EYS: variants seen among roughly 807,000 people sequenced by gnomAD.
EYS encodes the protein protein eyes shut homolog.
EYS carries 250 observed loss-of-function variants against 282.1 expected under a neutral mutation model. The ratio of observed to expected loss-of-function variants is 0.89; its 90% CI spans 0.80 to 0.98. The LOEUF (loss-of-function observed/expected upper bound fraction) is 0.98, where lower values mean the gene tolerates loss of function less well. Among genes scored for constraint, EYS ranks in the 50% least tolerant of loss-of-function variants. The pLI is 0.00. For synonymous variants in EYS, 1,355 were observed against 1,282.9 expected, an observed-to-expected ratio of 1.06 and a Z score of -1.20; for missense variants, 4,016 against 3,709.0, an observed-to-expected ratio of 1.08 and a Z score of -2.15.
chr6:64,029,489 C>A (rs184676093), intron 33 of EYS, among the ~76,000 whole-genome samples: 1 of 152,308 alleles, frequency 6.6e-6, no homozygotes, highest in Admixed American at 6.5e-5. Context: ...ACCAGGTACT[C>A]CTCCTTGAGG....
chr6:63,752,659 AT>A (rs888241908), intron 41 of EYS, among the ~76,000 whole-genome samples: 5 of 150,164 alleles, frequency 3.3e-5, no homozygotes, highest in South Asian at 2.1e-4. Flanking sequence ...TGCCTGGCTA[AT>A]TTTTTTTTGT....
At chr6:64,965,997 G>A (rs1446425608) in intron 14 of EYS, among the ~76,000 whole-genome samples, 3 of 151,184 alleles carry the variant, frequency 2.0e-5, no homozygotes, top group East Asian at 2.0e-4. Flanking sequence ...TGTGTATTTC[G>A]AAGTCTATTC....
intron 30 of EYS, among the ~76,000 whole-genome samples, chr6:64,242,437 GT>G (rs5876885): frequency 0.26 from 39,236 of 151,648 alleles, 5,473 homozygotes; most frequent in East Asian, 0.43. Flanking sequence ...CAAATTCTAA[GT>G]TTTTTTTGTT....
At chr6:63,954,752 G>A (rs1765742487) in intron 35 of EYS, among the ~76,000 whole-genome samples, 1 of 152,148 alleles carries the variant, frequency 6.6e-6, no homozygotes, top group Non-Finnish European at 1.5e-5. Context: ...TCTTCCCACA[G>A]AAAGCAAATG....
chr6:64,881,850 C>T (rs2209031), intron 19 of EYS, among the ~76,000 whole-genome samples: 23,424 of 151,574 alleles, frequency 0.15, 2,125 homozygotes, highest in East Asian at 0.49. Flanking sequence ...GCCATTTAAG[C>T]TGATTTAAGG....
intron 31 of EYS, among the ~76,000 whole-genome samples, chr6:64,190,621 A>T (rs1054840026): frequency 6.6e-6 from 1 of 152,148 alleles, no homozygotes; most frequent in Non-Finnish European, 1.5e-5. Context: ...AAACCCAAAG[A>T]TCTTATGGGA....
chr6:64,992,483 C>T (rs72875958), intron 14 of EYS, among the ~76,000 whole-genome samples: 10,268 of 151,646 alleles, frequency 0.068, 442 homozygotes, highest in East Asian at 0.13. Flanking sequence ...CCATAGAAAC[C>T]ATTACTTAAA....
At chr6:65,402,935 C>T (rs1337209664) in intron 6 of EYS, among the ~76,000 whole-genome samples, 4 of 152,170 alleles carry the variant, frequency 2.6e-5, no homozygotes, top group African/African-American at 9.6e-5. Flanking sequence ...AATGCTTGCT[C>T]TTTGAACCCA....
At chr6:65,359,193 T>C (rs574181277) in intron 8 of EYS, among the ~76,000 whole-genome samples, 2 of 152,006 alleles carry the variant, frequency 1.3e-5, no homozygotes, top group African/African-American at 4.8e-5. Flanking sequence ...ATCAAGAAAT[T>C]GTCTATAAAA....
At chr6:65,692,181 T>G (rs1769269170) in intron 1 of EYS, among the ~76,000 whole-genome samples, 1 of 150,354 alleles carries the variant, frequency 6.7e-6, no homozygotes, top group Non-Finnish European at 1.5e-5. Context: ...AGTCAAATAT[T>G]GCATATTTTC....
chr6:64,968,734 T>G (rs1583343291), intron 14 of EYS, among the ~76,000 whole-genome samples: 1 of 152,174 alleles, frequency 6.6e-6, no homozygotes, highest in Admixed American at 6.5e-5. Flanking sequence ...GTTGCCATGG[T>G]GTGCCCCCAG....
chr6:64,349,534 A>G (rs990294783), intron 29 of EYS, among the ~76,000 whole-genome samples: 15 of 151,344 alleles, frequency 9.9e-5, no homozygotes, highest in Admixed American at 2.6e-4. Flanking sequence ...ATATTGTTCA[A>G]TACTAGGTAA....
chr6:64,818,653 G>C (rs1764812735), intron 21 of EYS, among the ~76,000 whole-genome samples: 1 of 152,146 alleles, frequency 6.6e-6, no homozygotes, highest in African/African-American at 2.4e-5. Flanking sequence ...GGAGTCAAAT[G>C]TTTGAGGGCA....
chr6:64,258,269 C>T (rs997246227), intron 30 of EYS, among the ~76,000 whole-genome samples: 1 of 151,990 alleles, frequency 6.6e-6, no homozygotes, highest in Admixed American at 6.6e-5. Context: ...GTAAAAGGAG[C>T]TTTTCAGACA....
chr6:64,789,981 T>G (rs994247852), intron 22 of EYS, among the ~76,000 whole-genome samples: 1 of 151,950 alleles, frequency 6.6e-6, no homozygotes, highest in Non-Finnish European at 1.5e-5. Context: ...TCATTAGATT[T>G]GTTCTTTTTT....
chr6:65,037,560 CT>C (rs1772807407), intron 13 of EYS, among the ~76,000 whole-genome samples: 1 of 151,498 alleles, frequency 6.6e-6, no homozygotes, highest in Non-Finnish European at 1.5e-5. Context: ...AGTGTTTTTT[CT>C]TTTCTCTAGG....
At chr6:64,162,434 C>T (rs1450762497) in intron 31 of EYS, among the ~76,000 whole-genome samples, 1 of 152,116 alleles carries the variant, frequency 6.6e-6, no homozygotes. Flanking sequence ...CCCTCTGTTT[C>T]TCCATCAAGG....
At chr6:64,821,787 G>T (rs183783770) in intron 20 of EYS, 64 bp from the exon 21 acceptor site, 50 of 956,750 alleles carry the variant, frequency 5.2e-5, no homozygotes, top group Middle Eastern at 2.7e-4. Context: ...CTTCAAGGGA[G>T]TTTCACCATT....
chr6:63,762,592 T>C lies in EYS; in HGVS notation c.7940A>G (p.Glu2647Gly), dbSNP rs1323444287. The change falls in exon 41 of 43, where the codon GAG (glutamate) becomes GGG (glycine). Residue 2647 changes from glutamate (E) to glycine (G), a missense_variant. By Grantham distance (98) the Glu-to-Gly change is moderately conservative. Coordinates refer to ENST00000503581, the MANE Select transcript of EYS (RefSeq NM_001142800.2). ...TTCAGGATCACAGGTAGAAACTGTC[T>C]CTGTGCAGAATGATCCTTTCCACCC... Reference protein sequence around the residue: ...TTGWKGSFCTETVSTCDPEHD... With the variant: ...TTGWKGSFCTGTVSTCDPEHD... 3 of 1,550,268 alleles carry C rather than the reference T, an allele frequency of 1.9e-6. No homozygotes were observed. The East Asian group carries it at 7.3e-5, about 38-fold the overall frequency.
Sources: gnomAD v4.1 joint callset for allele counts (sites outside exome capture counted in the v4.1 genomes callset) on GRCh38, gnomAD v4.1.1 for gene constraint, MANE v1.5 for transcripts, NCBI Gene and HGNC (gene_info 2026-07-23, HGNC 2026-07-21) for gene names.